IRF8: variants seen among roughly 807,000 people sequenced by gnomAD.
IRF8 encodes the protein interferon regulatory factor 8.
In IRF8, 14 loss-of-function variants were observed where a neutral mutation model predicts 48.7. The observed-to-expected ratio is 0.29, with a 90% confidence interval of 0.19 to 0.45. The LOEUF (loss-of-function observed/expected upper bound fraction) is 0.45. Among genes scored for constraint, IRF8 ranks in the 20% least tolerant of loss-of-function variants. IRF8 has a pLI of 1.00. For missense variants in IRF8, 493 were observed against 580.7 expected, an observed-to-expected ratio of 0.85 and a Z score of 1.55; for synonymous variants, 278 against 227.3, an observed-to-expected ratio of 1.22 and a Z score of -2.01.
chr16:85,922,220 G>C lies in IRF8; in HGVS notation c.*938G>C, dbSNP rs542062477. 26 of 152,492 alleles carry C rather than the reference G, an allele frequency of 1.7e-4. No individual in the cohort carries two copies. The highest frequency in any genetic ancestry group is 6.3e-4 in the African/African-American group (26 of 41,586). The allele number at this position is 152,492 out of a possible 1,614,324, so 9.4% of individuals were successfully genotyped here. A position where few individuals can be genotyped will look rare whatever the true frequency, so the allele number is the denominator to read the frequency against. ...GGAGACAGCTCATCCAATCTCCCAA[G>C]TCTCATGGTGGATTTGTGACTGTGA... On this transcript the variant is annotated 3_prime_UTR_variant, in exon 9 of 9. Coordinates refer to ENST00000268638, the MANE Select transcript of IRF8 (RefSeq NM_002163.4).
chr16:85,912,477 G>A (rs550249195), intron 4 of IRF8, among the ~76,000 whole-genome samples: 12 of 152,146 alleles, frequency 7.9e-5, no homozygotes, highest in Non-Finnish European at 1.3e-4. Context: ...TAACCTACCC[G>A]AACGGCCTTG....
intron 2 of IRF8, among the ~76,000 whole-genome samples, chr16:85,905,489 C>T (rs2152099619): frequency 6.6e-6 from 1 of 152,340 alleles, no homozygotes; most frequent in African/African-American, 2.4e-5. Context: ...CCTGATGTGG[C>T]AATCTGAAAT....
At chr16:85,899,981 AC>A (rs1453084244) in intron 1 of IRF8, among the ~76,000 whole-genome samples, 1 of 152,140 alleles carries the variant, frequency 6.6e-6, no homozygotes, top group African/African-American at 2.4e-5. Context: ...ATGGCCCCCC[AC>A]TTTCTTTTTT....
chr16:85,919,043 T>C (rs1004108682), intron 7 of IRF8, among the ~76,000 whole-genome samples: 1 of 152,158 alleles, frequency 6.6e-6, no homozygotes, highest in Non-Finnish European at 1.5e-5. Context: ...GCAGAATCAG[T>C]ACCCTCATCA....
At chr16:85,899,498 A>G (rs546775756) in intron 1 of IRF8, among the ~76,000 whole-genome samples, 6 of 152,338 alleles carry the variant, frequency 3.9e-5, no homozygotes, top group Non-Finnish European at 7.3e-5. Context: ...TCTGGTTTAC[A>G]TGGAAAACGT....
At chr16:85,902,156 G>A (rs896695354) in intron 1 of IRF8, among the ~76,000 whole-genome samples, 1 of 152,110 alleles carries the variant, frequency 6.6e-6, no homozygotes, top group Non-Finnish European at 1.5e-5. Flanking sequence ...GAGGAGCCCA[G>A]TGAACTTTGC....
At chr16:85,901,942 T>G (rs75605271) in intron 1 of IRF8, among the ~76,000 whole-genome samples, 2 of 149,916 alleles carry the variant, frequency 1.3e-5, no homozygotes, top group Non-Finnish European at 1.5e-5. Flanking sequence ...TTTTTTTTTT[T>G]GGGTGGGCGT....
intron 3 of IRF8, 130 bp downstream of exon 3, chr16:85,909,303 C>G: frequency 1.3e-6 from 1 of 759,180 alleles, no homozygotes; most frequent in Non-Finnish European, 2.3e-6. Flanking sequence ...GCAGTTCTCT[C>G]CTTCGTGTAA....
rs763945332 is a variant in IRF8, at chr16:85,918,527, G to C, written c.712G>C (p.Gly238Arg). Residue 238 changes from glycine (G) to arginine (R), a missense_variant, in exon 7 of 9, where the codon GGC becomes CGC. By Grantham distance (125) the Gly-to-Arg change is moderately radical. This residue lies in a region of IRF8 where 408 missense variants were observed against 449.6 expected (regional missense o/e 0.91). Transcript: ENST00000268638. ...RLSLSQPGLP[G>R]TKLYGPEGLE... ...GTCCCTGAGCCAGCCTGGGCTGCCC[G>C]GCACCAAGCTGTATGGGCCCGAGGG... 3.8e-6 allele frequency: 6 copies of C among 1,599,320 alleles called. No individual in the cohort carries two copies. Among genetic ancestry groups the C allele is most frequent in the Non-Finnish European group, 5.1e-6 (6 of 1,177,278 alleles).
rs1317370973 is a variant in IRF8, at chr16:85,921,385, G to T, written c.*103G>T. Reference sequence around the variant, plus strand: ...GAATGTGGATCCCTCTGTCTGGGGTGGGATGCCTTACTTTGCACTTAATTT... The same window carrying T: ...GAATGTGGATCCCTCTGTCTGGGGTTGGATGCCTTACTTTGCACTTAATTT... On this transcript the variant is annotated 3_prime_UTR_variant, in exon 9 of 9. Transcript: ENST00000268638. 5 of 1,272,916 alleles carry T rather than the reference G, an allele frequency of 3.9e-6. No individual in the cohort carries two copies. In the East Asian group the frequency reaches 9.3e-5, roughly 24 times the overall value. The allele number at this position is 1,272,916 out of a possible 1,614,324, so 78.9% of individuals were successfully genotyped here. A position where few individuals can be genotyped will look rare whatever the true frequency, so the allele number is the denominator to read the frequency against.
intron 1 of IRF8, among the ~76,000 whole-genome samples, 182 bp downstream of exon 1, chr16:85,899,405 A>C: frequency 6.6e-6 from 1 of 152,360 alleles, no homozygotes; most frequent in South Asian, 2.1e-4. Flanking sequence ...TCCAATCTGA[A>C]TGCCCAAGTC....
intron 3 of IRF8, among the ~76,000 whole-genome samples, chr16:85,911,303 A>C (rs1490743438): frequency 2.0e-5 from 3 of 152,230 alleles, no homozygotes; most frequent in Non-Finnish European, 4.4e-5. Flanking sequence ...AGAAAATAGA[A>C]GAAAGAGACC....
chr16:85,910,209 G>A (rs1905105320), intron 3 of IRF8, among the ~76,000 whole-genome samples: 1 of 152,208 alleles, frequency 6.6e-6, no homozygotes. Flanking sequence ...CCGAGGTGCT[G>A]GTGAATGTGG....
intron 6 of IRF8, among the ~76,000 whole-genome samples, chr16:85,915,150 C>T (rs141008740): frequency 1.2e-3 from 179 of 152,328 alleles, no homozygotes; most frequent in Middle Eastern, 6.8e-3. Context: ...GGGGCCTCCC[C>T]GCGGTGGGCA....
intron 6 of IRF8, among the ~76,000 whole-genome samples, 200 bp downstream of exon 6, chr16:85,914,720 G>GCT (rs1905248357): frequency 6.6e-6 from 1 of 152,028 alleles, no homozygotes; most frequent in Admixed American, 6.5e-5. Flanking sequence ...GGAAGTCTAG[G>GCT]CCTGGTTCTG....
rs1449168971 is a variant in IRF8 at position 85,921,840 on chromosome 16, A to T, written c.*558A>T. 6.2e-6 allele frequency: 1 copy of T among 161,444 alleles called. No individual in the cohort carries two copies. Among genetic ancestry groups the T allele is most frequent in the African/African-American group, 2.4e-5 (1 of 41,506 alleles). The allele number at this position is 161,444 out of a possible 1,614,324, so 10.0% of individuals were successfully genotyped here. ...GTACAAGAAAAACTCTTGGCTTGTTAGAAGAAAGTATATTCTTTCTAGAAT... is the reference window on the plus strand; with the variant it reads ...GTACAAGAAAAACTCTTGGCTTGTTTGAAGAAAGTATATTCTTTCTAGAAT... On this transcript the variant is annotated 3_prime_UTR_variant, in exon 9 of 9. Transcript: ENST00000268638.
Position 85,921,211 on chromosome 16 carries a change from C to G in IRF8, c.1210C>G (p.Arg404Gly), listed in dbSNP as rs748501841. The G allele has an allele frequency of 6.2e-7, 1 of 1,614,206 alleles. No individual in the cohort carries two copies. The highest frequency in any genetic ancestry group is 8.5e-7 in the Non-Finnish European group (1 of 1,180,030). The change falls in exon 9 of 9, where the codon CGG (arginine) becomes GGG (glycine). Residue 404 changes from arginine to glycine, a missense_variant. By Grantham distance (125) the Arg-to-Gly change is moderately radical. Coordinates refer to ENST00000268638, the MANE Select transcript of IRF8 (RefSeq NM_002163.4). ...PEEPPPDQVF[R>G]MFPDICASHQ... ...GGAGCCGCCGCCAGACCAGGTCTTC[C>G]GGATGTTTCCAGATATTTGTGCCTC...
chr16:85,916,438 G>T (rs547803330), intron 6 of IRF8, among the ~76,000 whole-genome samples: 2 of 152,204 alleles, frequency 1.3e-5, no homozygotes, highest in African/African-American at 2.4e-5. Context: ...GTCGCAGCAG[G>T]CCCTTACTGT....
rs1031471787 is a variant in IRF8, at chr16:85,902,820, A to T, written c.-1-195A>T. ...GTTTCCCACGGAGCTTTCAGTTTGC[A>T]CTCAGGGCTGTGAGGTCATGGAGGC... On this transcript the variant is annotated intron_variant, in intron 1 of 8. Transcript: ENST00000268638. 1.4e-5 allele frequency: 9 copies of T among 646,280 alleles called. No individual in the cohort carries two copies. In the African/African-American group the frequency reaches 1.6e-4, roughly 12 times the overall value. 40.0% of individuals were successfully genotyped at this position (646,280 alleles called of 1,614,324 possible).
Sources: allele counts gnomAD v4.1 joint callset (sites outside exome capture counted in the v4.1 genomes callset), GRCh38; gene constraint gnomAD v4.1.1; regional missense constraint gnomAD v4.1.1; transcripts MANE v1.5; gene names NCBI Gene and HGNC (gene_info 2026-07-23, HGNC 2026-07-21).